The following LRP1B variants were observed in gnomAD, a reference collection of about 807,000 sequenced individuals.
The protein encoded by LRP1B is low-density lipoprotein receptor-related protein 1B.
Under a neutral mutation model 556.6 loss-of-function variants are expected in LRP1B, and 217 were observed. That is an observed-to-expected ratio of 0.39 (90% CI 0.35 to 0.44). LRP1B has a LOEUF of 0.44. Among genes scored for constraint, LRP1B ranks in the 20% least tolerant of loss-of-function variants. The probability of loss-of-function intolerance (pLI) is 1.00; values close to 1 mark genes in which losing one functional copy is unlikely to be tolerated. For missense variants in LRP1B, 5,053 were observed against 5,620.8 expected (o/e 0.90, Z 3.23); for synonymous variants, 2,047 against 1,865.8 (o/e 1.10, Z -2.50).
intron 32 of LRP1B, among the ~76,000 whole-genome samples, chr2:140,802,674 C>G (rs1476991866): frequency 6.6e-6 from 1 of 151,954 alleles, no homozygotes. Context: ...ATAGTATGCC[C>G]AAAGCATTTG....
intron 11 of LRP1B, among the ~76,000 whole-genome samples, chr2:141,032,305 T>C (rs1698395310): frequency 6.6e-6 from 1 of 152,162 alleles, no homozygotes; most frequent in Non-Finnish European, 1.5e-5. Context: ...TTCCAATTTA[T>C]GATTACAAAT....
intron 1 of LRP1B, among the ~76,000 whole-genome samples, chr2:141,923,092 C>T (rs1273446986): frequency 6.6e-6 from 1 of 151,904 alleles, no homozygotes; most frequent in African/African-American, 2.4e-5. Flanking sequence ...GAGTGAGACA[C>T]TGTCTCAAAA....
chr2:140,873,983 A>C (rs2105168352), intron 25 of LRP1B, among the ~76,000 whole-genome samples: 1 of 152,022 alleles, frequency 6.6e-6, no homozygotes. Context: ...TTTTTATATG[A>C]GAAAGAGTCT....
At chr2:142,130,380 C>T (rs1287873727) in intron 1 of LRP1B, among the ~76,000 whole-genome samples, 1 of 152,174 alleles carries the variant, frequency 6.6e-6, no homozygotes, top group Non-Finnish European at 1.5e-5. Context: ...AAGCGCACAG[C>T]CAAGTGCACA....
At chr2:141,365,835 G>T (rs527823478) in intron 3 of LRP1B, among the ~76,000 whole-genome samples, 1 of 151,950 alleles carries the variant, frequency 6.6e-6, no homozygotes, top group Non-Finnish European at 1.5e-5. Context: ...ACTACGCCCA[G>T]CTAATTTTTT....
intron 66 of LRP1B, among the ~76,000 whole-genome samples, chr2:140,400,960 C>T (rs986972549): frequency 6.6e-6 from 1 of 152,120 alleles, no homozygotes; most frequent in Admixed American, 6.5e-5. Flanking sequence ...GTGGGAAGTG[C>T]CTTGGCGGTA....
At chr2:141,586,009 T>C (rs2105286928) in intron 2 of LRP1B, among the ~76,000 whole-genome samples, 1 of 152,214 alleles carries the variant, frequency 6.6e-6, no homozygotes, top group South Asian at 2.1e-4. Flanking sequence ...TGAACCACAA[T>C]GCCTGGCTAG....
chr2:141,642,016 CCA>C (rs1491394996), intron 2 of LRP1B, among the ~76,000 whole-genome samples: 7 of 151,872 alleles, frequency 4.6e-5, no homozygotes, highest in African/African-American at 1.7e-4. Context: ...AAACCCCCCC[CCA>C]AAAAACAAGT....
At chr2:141,502,871 T>G (rs1235135967) in intron 2 of LRP1B, among the ~76,000 whole-genome samples, 1 of 135,080 alleles carries the variant, frequency 7.4e-6, no homozygotes, top group South Asian at 2.3e-4. Context: ...AAATAAAAAA[T>G]AAATAAAAAT....
chr2:140,902,074 G>A (rs1184994309), intron 23 of LRP1B, among the ~76,000 whole-genome samples: 1 of 152,062 alleles, frequency 6.6e-6, no homozygotes. Context: ...TGACTTTGGT[G>A]GTCTGTGCCA....
At chr2:141,349,024 T>C (rs897616434) in intron 3 of LRP1B, among the ~76,000 whole-genome samples, 1 of 152,024 alleles carries the variant, frequency 6.6e-6, no homozygotes, top group Non-Finnish European at 1.5e-5. Context: ...GAACTCTAAG[T>C]CCATTAAACC....
chr2:140,853,798 C>G (rs1316176405), intron 27 of LRP1B, among the ~76,000 whole-genome samples: 1 of 152,100 alleles, frequency 6.6e-6, no homozygotes, highest in Non-Finnish European at 1.5e-5. Flanking sequence ...AGATTCCTTT[C>G]TACTGCACTT....
chr2:142,018,092 G>A (rs1483107146), intron 1 of LRP1B, among the ~76,000 whole-genome samples: 1 of 151,700 alleles, frequency 6.6e-6, no homozygotes, highest in Non-Finnish European at 1.5e-5. Context: ...GATTTTCTCT[G>A]TGTTGATGTG....
chr2:141,548,527 G>A (rs1685632972), intron 2 of LRP1B, among the ~76,000 whole-genome samples: 1 of 152,128 alleles, frequency 6.6e-6, no homozygotes, highest in South Asian at 2.1e-4. Flanking sequence ...GAGGTTTTTT[G>A]CCCTTTGTTC....
intron 51 of LRP1B, 90 bp downstream of exon 51, chr2:140,514,563 A>T (rs1351738250): frequency 2.4e-6 from 3 of 1,258,016 alleles, no homozygotes; most frequent in Non-Finnish European, 3.2e-6. Context: ...TGTTAATTTT[A>T]ATAAATTAGC....
chr2:142,077,104 G>C (rs1232795492), intron 1 of LRP1B, among the ~76,000 whole-genome samples: 4 of 151,998 alleles, frequency 2.6e-5, no homozygotes, highest in Non-Finnish European at 5.9e-5. Context: ...AAGCATAAAG[G>C]CAAGTTGTAA....
At position 140,700,632 on chromosome 2, in the gene LRP1B, A is replaced by C; in HGVS notation, c.6428-11T>G. On this transcript the variant is annotated splice_polypyrimidine_tract_variant and intron_variant, in intron 40 of 90. Coordinates refer to ENST00000389484, the MANE Select transcript of LRP1B (RefSeq NM_018557.3). ...CACAAACATTGGTCCCTAATGAAGA[A>C]AAATGATACACACATGCACATGTTT... The C allele has an allele frequency of 1.6e-5, 26 of 1,612,964 alleles. No individual in the cohort carries two copies. Among genetic ancestry groups the C allele is most frequent in the Non-Finnish European group, 2.2e-5 (26 of 1,179,276 alleles).
At chr2:141,158,722 C>T (rs1007696521) in intron 7 of LRP1B, among the ~76,000 whole-genome samples, 11 of 152,092 alleles carry the variant, frequency 7.2e-5, no homozygotes, top group African/African-American at 1.4e-4. Context: ...AGTCGGAATC[C>T]TTCTGTCTGC....
chr2:140,375,013 C>T (rs188795400), intron 68 of LRP1B, among the ~76,000 whole-genome samples: 35 of 152,076 alleles, frequency 2.3e-4, no homozygotes, highest in Admixed American at 6.6e-5. Flanking sequence ...CCATTTACTA[C>T]TTGAAGAAAA....
Sources: allele counts gnomAD v4.1 joint callset (sites outside exome capture counted in the v4.1 genomes callset), GRCh38; gene constraint gnomAD v4.1.1; transcripts MANE v1.5; gene names NCBI Gene and HGNC (gene_info 2026-07-23, HGNC 2026-07-21).